C8orf34: variants seen among roughly 807,000 people sequenced by gnomAD.
C8orf34 encodes chromosome 8 open reading frame 34, also known as uncharacterized protein C8orf34.
In C8orf34, 65 loss-of-function variants were observed where a neutral mutation model predicts 68.3. That is an observed-to-expected ratio of 0.95 (90% CI 0.78 to 1.17). The LOEUF is 1.17. Ranked by LOEUF, C8orf34 falls within the 50% of genes most tolerant of loss-of-function variation. C8orf34 has a pLI of 0.00. For missense variants in C8orf34, 664 were observed against 655.4 expected (o/e 1.01, Z -0.14); for synonymous variants, 244 against 241.2 (o/e 1.01, Z -0.11).
rs1031137460 is a variant in C8orf34 at position 68,624,903 on chromosome 8, T to C, written c.1106-15473T>C. On this transcript the variant is annotated intron_variant, in intron 7 of 13. Transcript: ENST00000518698. ...GGCATGTGCCACCATGCTCAGCTAA[T>C]TTCTTGCTTTTTTTTTTTTTGTGTA... 2.6e-5 allele frequency among the ~76,000 whole-genome samples: 3 copies of C among 114,942 alleles called. No individual in the cohort carries two copies. The Admixed American group carries it at 2.9e-4, about 11-fold the overall frequency. 75.4% of individuals were successfully genotyped at this position (114,942 alleles called of 152,430 possible). A position where few individuals can be genotyped will look rare whatever the true frequency, so the allele number is the denominator to read the frequency against.
chr8:68,477,287 A>G (rs765998696), intron 4 of C8orf34, among the ~76,000 whole-genome samples: 2 of 152,216 alleles, frequency 1.3e-5, no homozygotes, highest in Non-Finnish European at 2.9e-5. Context: ...GTAGATTATG[A>G]TCCTAAGCAA....
At chr8:68,389,304 C>A (rs1808384802) in intron 1 of C8orf34, among the ~76,000 whole-genome samples, 1 of 152,062 alleles carries the variant, frequency 6.6e-6, no homozygotes, top group Admixed American at 6.5e-5. Flanking sequence ...TCTTACTTTC[C>A]ACATCTGTGA....
At chr8:68,375,274 ATT>A (rs924220104) in intron 1 of C8orf34, among the ~76,000 whole-genome samples, 3 of 152,240 alleles carry the variant, frequency 2.0e-5, no homozygotes, top group Non-Finnish European at 2.9e-5. Flanking sequence ...TTTATAAAAC[ATT>A]TTGTTATTCA....
At chr8:68,689,296 T>C (rs1410085826) in intron 8 of C8orf34, among the ~76,000 whole-genome samples, 1 of 151,906 alleles carries the variant, frequency 6.6e-6, no homozygotes, top group Non-Finnish European at 1.5e-5. Context: ...AGACAACATA[T>C]TGGATACAGT....
In C8orf34 at chr8:68,347,642, G is replaced by A. The variant is rs140354251; in HGVS notation, c.327+16303G>A. ...GCATCTGTTGTTTTTTGACATTTTA[G>A]TAATAGCCATTCTGACTGGTGTGAG... On this transcript the variant is annotated intron_variant, in intron 1 of 13. Coordinates refer to ENST00000518698, the MANE Select transcript of C8orf34 (RefSeq NM_052958.4). Among the ~76,000 whole-genome samples the A allele has an allele frequency of 7.9e-3, 1,197 of 151,948 alleles. 18 individuals are homozygous for A. The highest frequency in any genetic ancestry group is 0.027 in the African/African-American group (1,100 of 41,478).
intron 1 of C8orf34, among the ~76,000 whole-genome samples, chr8:68,360,558 C>T (rs1806939473): frequency 6.6e-6 from 1 of 152,092 alleles, no homozygotes; most frequent in East Asian, 1.9e-4. Context: ...ACTGAGAATG[C>T]ACTGAATCAT....
intron 5 of C8orf34, among the ~76,000 whole-genome samples, chr8:68,504,132 C>T (rs988225021): frequency 6.6e-6 from 1 of 152,154 alleles, no homozygotes; most frequent in Non-Finnish European, 1.5e-5. Flanking sequence ...AATCTATTTT[C>T]TGTTTCTATA....
At chr8:68,727,585 C>T (rs943713961) in intron 10 of C8orf34, among the ~76,000 whole-genome samples, 19 of 152,254 alleles carry the variant, frequency 1.2e-4, no homozygotes, top group African/African-American at 4.6e-4. Flanking sequence ...TCCATACAGG[C>T]CCTGCTCCTG....
intron 7 of C8orf34, among the ~76,000 whole-genome samples, chr8:68,540,687 A>G (rs983152714): frequency 6.6e-6 from 1 of 151,960 alleles, no homozygotes; most frequent in African/African-American, 2.4e-5. Flanking sequence ...CATAAACGCA[A>G]AAAAATTAGC....
intron 1 of C8orf34, among the ~76,000 whole-genome samples, chr8:68,371,846 CCT>C (rs754675379): frequency 3.3e-5 from 5 of 152,092 alleles, no homozygotes; most frequent in Non-Finnish European, 7.4e-5. Context: ...GATCAGCCTG[CCT>C]CAGCCTCCCA....
chr8:68,407,621 A>G (rs1044076012), intron 1 of C8orf34, among the ~76,000 whole-genome samples: 4 of 152,112 alleles, frequency 2.6e-5, no homozygotes, highest in African/African-American at 9.7e-5. Context: ...CTATCTCTTC[A>G]GCTTAGGGAA....
At chr8:68,455,820 T>A (rs1398416684) in intron 3 of C8orf34, among the ~76,000 whole-genome samples, 5 of 152,012 alleles carry the variant, frequency 3.3e-5, no homozygotes, top group Non-Finnish European at 7.4e-5. Flanking sequence ...GAATAAATAT[T>A]TATAGAATAA....
intron 7 of C8orf34, among the ~76,000 whole-genome samples, chr8:68,608,610 A>G (rs2130546612): frequency 6.6e-6 from 1 of 151,790 alleles, no homozygotes; most frequent in African/African-American, 2.4e-5. Context: ...AGAATCAGGC[A>G]GGGTATGAAA....
rs1242445585 is a variant in C8orf34 at position 68,794,482 on chromosome 8, A to AATAT, written c.1549+6967_1549+6970dup. Among the ~76,000 whole-genome samples, 39 of 89,348 alleles carry AATAT rather than the reference A, an allele frequency of 4.4e-4. 1 individual carries two copies. The highest frequency in any genetic ancestry group is 1.2e-3 in the South Asian group (4 of 3,278). 58.6% of individuals were successfully genotyped at this position (89,348 alleles called of 152,430 possible). A position where few individuals can be genotyped will look rare whatever the true frequency, so the allele number is the denominator to read the frequency against. On this transcript the variant is annotated intron_variant, in intron 12 of 13. Coordinates refer to ENST00000518698, the MANE Select transcript of C8orf34 (RefSeq NM_052958.4). ...TCATTGTGCCCAGTATATAAATATA[A>AATAT]ATATATATATATATATATATATATT...
chr8:68,429,651 C>T (rs1247654119), intron 1 of C8orf34, among the ~76,000 whole-genome samples: 6 of 152,034 alleles, frequency 3.9e-5, no homozygotes, highest in African/African-American at 4.8e-5. Flanking sequence ...GAATAAATTG[C>T]GGTGTATTCA....
At chr8:68,374,695 A>C (rs1807714998) in intron 1 of C8orf34, among the ~76,000 whole-genome samples, 1 of 152,194 alleles carries the variant, frequency 6.6e-6, no homozygotes, top group Non-Finnish European at 1.5e-5. Flanking sequence ...ATTTCCTTTC[A>C]AAAAATAAAA....
rs779150575 is a variant in C8orf34 at position 68,575,475 on chromosome 8, C to T, written c.1105+42326C>T. Among the ~76,000 whole-genome samples, 147 of 151,954 alleles carry T rather than the reference C, an allele frequency of 9.7e-4. 2 individuals carry two copies. Among genetic ancestry groups the T allele is most frequent in the Non-Finnish European group, 4.4e-5 (3 of 67,982 alleles). On this transcript the variant is annotated intron_variant, in intron 7 of 13. Coordinates refer to ENST00000518698, the MANE Select transcript of C8orf34 (RefSeq NM_052958.4). ...TACTGCCTACTCGTGTTTTCAAACC[C>T]GTATGTGCTACAGATTGCAGTGGTA...
At chr8:68,485,731 AT>A (rs1172262854) in intron 4 of C8orf34, among the ~76,000 whole-genome samples, 1 of 149,754 alleles carries the variant, frequency 6.7e-6, no homozygotes, top group African/African-American at 2.4e-5. Context: ...TAAAAAATAA[AT>A]AAATAAATAA....
intron 5 of C8orf34, among the ~76,000 whole-genome samples, chr8:68,512,102 TA>T (rs370020374): frequency 1.3e-5 from 2 of 152,306 alleles, no homozygotes; most frequent in African/African-American, 4.8e-5. Flanking sequence ...TGAAAAGGAT[TA>T]AAACAAGACA....
Sources: allele counts gnomAD v4.1 joint callset (sites outside exome capture counted in the v4.1 genomes callset), GRCh38; gene constraint gnomAD v4.1.1; transcripts MANE v1.5; gene names NCBI Gene and HGNC (gene_info 2026-07-23, HGNC 2026-07-21).